MAP2K5: variants seen among roughly 807,000 people sequenced by gnomAD.
MAP2K5 encodes the protein dual specificity mitogen-activated protein kinase kinase 5.
A neutral mutation model predicts 83.1 loss-of-function variants in MAP2K5; 49 were observed. That is an observed-to-expected ratio of 0.59 (90% CI 0.47 to 0.75). The LOEUF (loss-of-function observed/expected upper bound fraction) is 0.75. MAP2K5 is among the 30% of genes least tolerant of loss of function. The probability of loss-of-function intolerance (pLI) is 0.00; values close to 1 mark genes in which losing one functional copy is unlikely to be tolerated. For synonymous variants in MAP2K5, 202 were observed against 191.8 expected, an observed-to-expected ratio of 1.05 and a Z score of -0.44; for missense variants, 457 against 557.5, an observed-to-expected ratio of 0.82 and a Z score of 1.82.
intron 17 of MAP2K5, among the ~76,000 whole-genome samples, chr15:67,744,355 A>G (rs2089558328): frequency 6.6e-6 from 1 of 152,256 alleles, no homozygotes; most frequent in South Asian, 2.1e-4. Context: ...AAAAATTCCA[A>G]CCATATGATT....
intron 16 of MAP2K5, among the ~76,000 whole-genome samples, chr15:67,713,775 C>T (rs2088758399): frequency 6.6e-6 from 1 of 151,712 alleles, no homozygotes; most frequent in South Asian, 2.1e-4. Context: ...CAGCCCAGTA[C>T]CCTTGACAGA....
At chr15:67,553,537 A>G (rs2084555229) in intron 2 of MAP2K5, among the ~76,000 whole-genome samples, 1 of 152,238 alleles carries the variant, frequency 6.6e-6, no homozygotes, top group African/African-American at 2.4e-5. Context: ...TTGAAATCCT[A>G]GGCTGGCTTT....
At chr15:67,791,284 A>G (rs970381926) in intron 21 of MAP2K5, among the ~76,000 whole-genome samples, 1 of 152,176 alleles carries the variant, frequency 6.6e-6, no homozygotes, top group Non-Finnish European at 1.5e-5. Context: ...AGACTGAAGG[A>G]TCAAAGGGCT....
rs556197961 is a variant in MAP2K5 at position 67,576,590 on chromosome 15, T to C, written c.253-4164T>C. ...CTAGTACTGGAGATTCCATTAGCAA[T>C]TGCAAAGCTGATTGATCTTTTACCC... On this transcript the variant is annotated intron_variant, in intron 3 of 21. Transcript: ENST00000178640. Among the ~76,000 whole-genome samples, 5 of 147,786 alleles carry C rather than the reference T, an allele frequency of 3.4e-5. No homozygotes were observed. The South Asian group carries it at 1.1e-3, about 33-fold the overall frequency.
intron 19 of MAP2K5, among the ~76,000 whole-genome samples, chr15:67,767,313 A>C (rs1324684644): frequency 1.3e-5 from 2 of 152,252 alleles, no homozygotes; most frequent in Non-Finnish European, 2.9e-5. Context: ...AGAGGCCCAC[A>C]TTAGCATCAT....
rs528876629 is a variant in MAP2K5 at position 67,619,591 on chromosome 15, G to T, written c.546-11297G>T. ...TTACAATAAAGTAGAACATAACATAGACCCTATATTAAGAATTTACAGCAT... is the reference window on the plus strand; with the variant it reads ...TTACAATAAAGTAGAACATAACATATACCCTATATTAAGAATTTACAGCAT... On this transcript the variant is annotated intron_variant, in intron 8 of 21. Coordinates refer to ENST00000178640, the MANE Select transcript of MAP2K5 (RefSeq NM_145160.3). 1.4e-4 allele frequency among the ~76,000 whole-genome samples: 21 copies of T among 152,230 alleles called. No homozygotes were observed. The South Asian group carries it at 4.4e-3, about 32-fold the overall frequency.
intron 16 of MAP2K5, among the ~76,000 whole-genome samples, chr15:67,710,200 G>T (rs189045436): frequency 6.6e-6 from 1 of 152,164 alleles, no homozygotes; most frequent in African/African-American, 2.4e-5. Flanking sequence ...TACGCATTTT[G>T]CTCTTTTCAC....
At chr15:67,615,680 A>T (rs2086039250) in intron 8 of MAP2K5, among the ~76,000 whole-genome samples, 1 of 152,090 alleles carries the variant, frequency 6.6e-6, no homozygotes, top group Non-Finnish European at 1.5e-5. Flanking sequence ...TAATTTAAAA[A>T]TTTAAATTTA....
chr15:67,738,881 C>T lies in MAP2K5; in HGVS notation c.1075-9350C>T, dbSNP rs1264149458. 6.6e-6 allele frequency among the ~76,000 whole-genome samples: 1 copy of T among 152,204 alleles called. No individual in the cohort carries two copies. Among genetic ancestry groups the T allele is most frequent in the Admixed American group, 6.5e-5 (1 of 15,278 alleles). ...TCCTCCTGTCCACACCTTCAGCCCT[C>T]TTGCTCATCACCATCTCCCTCCGAT... On this transcript the variant is annotated intron_variant, in intron 17 of 21. Coordinates refer to ENST00000178640, the MANE Select transcript of MAP2K5 (RefSeq NM_145160.3). This position sits in a 1 kb window ranked among gnomAD's most constrained non-coding sequence, Gnocchi z 4.1.
intron 21 of MAP2K5, among the ~76,000 whole-genome samples, chr15:67,792,566 G>A (rs1362690544): frequency 6.6e-6 from 1 of 152,000 alleles, no homozygotes; most frequent in African/African-American, 2.4e-5. Flanking sequence ...CATTTCCCTG[G>A]TCCTTTCCTA....
intron 20 of MAP2K5, among the ~76,000 whole-genome samples, chr15:67,772,232 C>T (rs1341000216): frequency 5.3e-5 from 8 of 151,954 alleles, no homozygotes; most frequent in African/African-American, 7.3e-5. Context: ...TCTTGTCATT[C>T]GGAGTAACAG....
chr15:67,707,183 G>A (rs2088576633), intron 16 of MAP2K5, among the ~76,000 whole-genome samples: 1 of 152,154 alleles, frequency 6.6e-6, no homozygotes, highest in South Asian at 2.1e-4. Flanking sequence ...CCAAAGTGCT[G>A]GGATTACAGG....
At chr15:67,583,744 C>CTTAT (rs111272531) in intron 4 of MAP2K5, among the ~76,000 whole-genome samples, 142,895 of 147,884 alleles carry the variant, frequency 0.97, 69,138 homozygotes, top group East Asian at 1. Flanking sequence ...TGATTGTTTC[C>CTTAT]TTATTTATTT....
intron 4 of MAP2K5, among the ~76,000 whole-genome samples, chr15:67,585,464 A>C (rs2085269127): frequency 6.6e-6 from 1 of 152,182 alleles, no homozygotes; most frequent in African/African-American, 2.4e-5. Flanking sequence ...AATCCCTAGC[A>C]ATCTTTTTGG....
chr15:67,587,049 A>G lies in MAP2K5; in HGVS notation c.431+136A>G, dbSNP rs2085306045. On this transcript the variant is annotated intron_variant, in intron 6 of 21. Transcript: ENST00000178640. This position sits in a 1 kb window ranked among gnomAD's most constrained non-coding sequence, Gnocchi z 4.8. ...ATTGACCAAAGAGAAAGGACCTCATATGGAAAGATGAATGTTTAGATTTAG... is the reference window on the plus strand; with the variant it reads ...ATTGACCAAAGAGAAAGGACCTCATGTGGAAAGATGAATGTTTAGATTTAG... The G allele has an allele frequency of 2.5e-6, 2 of 813,476 alleles. No homozygotes were observed. Among genetic ancestry groups the G allele is most frequent in the South Asian group, 1.5e-5 (1 of 68,888 alleles). The allele number at this position is 813,476 out of a possible 1,614,324, so 50.4% of individuals were successfully genotyped here. A position where few individuals can be genotyped will look rare whatever the true frequency, so the allele number is the denominator to read the frequency against.
intron 13 of MAP2K5, among the ~76,000 whole-genome samples, chr15:67,669,249 A>T (rs2087465398): frequency 6.6e-6 from 1 of 152,186 alleles, no homozygotes; most frequent in Non-Finnish European, 1.5e-5. Flanking sequence ...TGGGTTAGGA[A>T]ACATTTCTTA....
In MAP2K5 at chr15:67,801,065, G is replaced by A. The variant is rs1329042935; in HGVS notation, c.1243-5581G>A. On this transcript the variant is annotated intron_variant, in intron 21 of 21. Transcript: ENST00000178640. This position sits in a 1 kb window ranked among gnomAD's most constrained non-coding sequence, Gnocchi z 4.8. ...TTGAAACCGCTGCAGAGCCCCCAAA[G>A]CACCTCACACCCTATGGCTCCGCTG... Among the ~76,000 whole-genome samples, 2 of 152,118 alleles carry A rather than the reference G, an allele frequency of 1.3e-5. No individual in the cohort carries two copies. The highest frequency in any genetic ancestry group is 2.9e-5 in the Non-Finnish European group (2 of 68,022).
rs1235345842 is a variant in MAP2K5, at chr15:67,736,592, G to T, written c.1074+8647G>T. ...GATCCCACAAGAGCCTTCCTTTACA[G>T]ACTTTCTTTTTTGAGTTATAATTTA... On this transcript the variant is annotated intron_variant, in intron 17 of 21. Coordinates refer to ENST00000178640, the MANE Select transcript of MAP2K5 (RefSeq NM_145160.3). The surrounding 1 kb of genome is among the most constrained non-coding windows in gnomAD (Gnocchi z 4.3). Among the ~76,000 whole-genome samples the T allele has an allele frequency of 6.6e-6, 1 of 152,126 alleles. No individual in the cohort carries two copies. The highest frequency in any genetic ancestry group is 1.5e-5 in the Non-Finnish European group (1 of 68,028).
chr15:67,690,309 T>C lies in MAP2K5; in HGVS notation c.848-2170T>C, dbSNP rs1293453676. Among the ~76,000 whole-genome samples, 1 of 152,222 alleles carries C rather than the reference T, an allele frequency of 6.6e-6. No homozygotes were observed. Among genetic ancestry groups the C allele is most frequent in the Non-Finnish European group, 1.5e-5 (1 of 68,040 alleles). ...GGCTATGATGTGTTGTGCTAACTAC[T>C]GGGGCACACTTGAAAGCACAACCCT... On this transcript the variant is annotated intron_variant, in intron 13 of 21. Transcript: ENST00000178640. The surrounding 1 kb of genome is among the most constrained non-coding windows in gnomAD (Gnocchi z 4.3).
Sources: allele counts gnomAD v4.1 joint callset (sites outside exome capture counted in the v4.1 genomes callset), GRCh38; gene constraint gnomAD v4.1.1; non-coding constraint Gnocchi (gnomAD v3.1); transcripts MANE v1.5; gene names NCBI Gene and HGNC (gene_info 2026-07-23, HGNC 2026-07-21).